Variants in SAMMSON observed in about 807,000 individuals in gnomAD.
The protein encoded by SAMMSON is survival associated mitochondrial melanoma specific oncogenic non-coding RNA.
intron 4 of SAMMSON, among the ~76,000 whole-genome samples, chr3:70,230,925 C>T (rs985828598): frequency 6.6e-6 from 1 of 152,136 alleles, no homozygotes; most frequent in Non-Finnish European, 1.5e-5. Context: ...TTCCACTTTT[C>T]AATTTGGATG....
At chr3:70,184,539 T>C (rs1198737763) in intron 4 of SAMMSON, among the ~76,000 whole-genome samples, 3 of 152,260 alleles carry the variant, frequency 2.0e-5, no homozygotes, top group African/African-American at 7.2e-5. Flanking sequence ...ATGAAAATTT[T>C]TGATAGTTAA....
At chr3:70,370,508 G>A (rs1429752276) in intron 9 of SAMMSON, among the ~76,000 whole-genome samples, 1 of 151,696 alleles carries the variant, frequency 6.6e-6, no homozygotes, top group Non-Finnish European at 1.5e-5. Flanking sequence ...TTCTAATTAG[G>A]GTAAGATGAT....
chr3:70,047,421 C>G (rs1218277219), intron 3 of SAMMSON, among the ~76,000 whole-genome samples: 5 of 151,180 alleles, frequency 3.3e-5, no homozygotes, highest in Admixed American at 3.3e-4. Flanking sequence ...ACTGCAACCT[C>G]TGCCTCCTGG....
intron 7 of SAMMSON, among the ~76,000 whole-genome samples, chr3:70,310,313 A>C (rs1204592870): frequency 1.3e-5 from 2 of 151,896 alleles, no homozygotes; most frequent in Admixed American, 1.3e-4. Context: ...GGCAGAAATA[A>C]TCATCTTTTT....
At chr3:70,262,409 A>G (rs1435930796) in intron 6 of SAMMSON, among the ~76,000 whole-genome samples, 1 of 152,216 alleles carries the variant, frequency 6.6e-6, no homozygotes, top group African/African-American at 2.4e-5. Flanking sequence ...AGTGTTCTTT[A>G]AAAGATGCGG....
At chr3:70,356,432 A>C (rs1702829703) in intron 8 of SAMMSON, among the ~76,000 whole-genome samples, 1 of 152,106 alleles carries the variant, frequency 6.6e-6, no homozygotes, top group Admixed American at 6.6e-5. Flanking sequence ...AATATTTCCA[A>C]AATGTGCTAT....
chr3:70,016,631 T>A (rs1405368075), intron 3 of SAMMSON, among the ~76,000 whole-genome samples: 1 of 152,170 alleles, frequency 6.6e-6, no homozygotes, highest in Non-Finnish European at 1.5e-5. Context: ...TTGCCATTGC[T>A]TTTGGTGTTT....
At chr3:70,034,810 C>T (rs2107584775) in intron 3 of SAMMSON, among the ~76,000 whole-genome samples, 1 of 152,230 alleles carries the variant, frequency 6.6e-6, no homozygotes, top group Non-Finnish European at 1.5e-5. Flanking sequence ...TGCTACTGCA[C>T]TGCAGCCTGG....
intron 6 of SAMMSON, among the ~76,000 whole-genome samples, chr3:70,259,697 C>A (rs1027204921): frequency 2.0e-4 from 30 of 152,174 alleles, no homozygotes; most frequent in Non-Finnish European, 3.4e-4. Context: ...GCTACTGTAA[C>A]AAAGTGCCAC....
intron 4 of SAMMSON, among the ~76,000 whole-genome samples, chr3:70,200,833 C>T (rs1396356989): frequency 6.6e-6 from 1 of 152,028 alleles, no homozygotes; most frequent in Admixed American, 6.6e-5. Flanking sequence ...TAAATCCTAC[C>T]AACTGTAAGA....
intron 4 of SAMMSON, among the ~76,000 whole-genome samples, chr3:70,088,492 A>C (rs1198759155): frequency 6.6e-6 from 1 of 152,200 alleles, no homozygotes; most frequent in African/African-American, 2.4e-5. Flanking sequence ...TGAGAAAGTA[A>C]CTAGGGATAA....
chr3:70,052,541 T>C (rs72935445), intron 3 of SAMMSON, among the ~76,000 whole-genome samples: 109 of 152,218 alleles, frequency 7.2e-4, no homozygotes, highest in African/African-American at 2.5e-3. Context: ...GTAGCAAAAA[T>C]TGGTCAAATG....
chr3:70,414,645 C>G (rs532552171), intron 2 of SAMMSON, among the ~76,000 whole-genome samples: 1 of 152,124 alleles, frequency 6.6e-6, no homozygotes, highest in East Asian at 1.9e-4. Context: ...TTTTAGAGAC[C>G]ATATGAACAT....
chr3:70,247,095 G>A (rs1701714659), intron 4 of SAMMSON, among the ~76,000 whole-genome samples: 2 of 151,868 alleles, frequency 1.3e-5, no homozygotes, highest in African/African-American at 2.4e-5. Context: ...ATAGTACCAA[G>A]CGCATGGTAG....
At chr3:70,071,918 T>TA (rs1164216691) in intron 4 of SAMMSON, 1 of 151,164 alleles carries the variant, frequency 6.6e-6, no homozygotes, top group Non-Finnish European at 1.5e-5. Flanking sequence ...ATGTTGTGGC[T>TA]TTTTTTTTCC....
chr3:70,337,988 G>T (rs1325507007), intron 7 of SAMMSON, among the ~76,000 whole-genome samples: 2 of 151,452 alleles, frequency 1.3e-5, no homozygotes, highest in Admixed American at 6.6e-5. Flanking sequence ...CCTTTTGATT[G>T]CAGATTTCCC....
intron 4 of SAMMSON, among the ~76,000 whole-genome samples, chr3:70,181,473 T>G (rs1425335154): frequency 6.6e-6 from 1 of 152,170 alleles, no homozygotes; most frequent in Non-Finnish European, 1.5e-5. Context: ...AGGGATAAAG[T>G]CCAAGCCCTG....
intron 4 of SAMMSON, among the ~76,000 whole-genome samples, chr3:70,116,825 C>A (rs183349119): frequency 7.2e-5 from 11 of 152,224 alleles, no homozygotes; most frequent in Admixed American, 6.5e-4. Context: ...AATCCCAAAG[C>A]TTTCTTATTT....
intron 6 of SAMMSON, among the ~76,000 whole-genome samples, chr3:70,255,627 A>T (rs1265803818): frequency 6.6e-6 from 1 of 150,572 alleles, no homozygotes; most frequent in Admixed American, 6.6e-5. Context: ...AAGCCTGGCT[A>T]TTTTTTTTTC....
Sources: allele counts gnomAD v4.1 joint callset (sites outside exome capture counted in the v4.1 genomes callset), GRCh38; gene constraint gnomAD v4.1.1; transcripts MANE v1.5; gene names NCBI Gene and HGNC (gene_info 2026-07-23, HGNC 2026-07-21).